Variants in ANKRD28 observed in about 807,000 individuals in gnomAD.
ANKRD28 encodes serine/threonine-protein phosphatase 6 regulatory ankyrin repeat subunit A.
A neutral mutation model predicts 126.5 loss-of-function variants in ANKRD28; 44 were observed. That is an observed-to-expected ratio of 0.35 (90% CI 0.27 to 0.45). The LOEUF is 0.45. ANKRD28 is among the 20% of genes least tolerant of loss of function. The pLI, the probability that ANKRD28 is intolerant of heterozygous loss-of-function variation, is 1.00. For missense variants in ANKRD28, 1,110 were observed against 1,316.6 expected, an observed-to-expected ratio of 0.84 and a Z score of 2.43; for synonymous variants, 442 against 468.5, an observed-to-expected ratio of 0.94 and a Z score of 0.73.
At chr3:15,724,552 T>C (rs2074018924) in intron 6 of ANKRD28, 28 bp from the exon 7 acceptor site, 4 of 1,540,282 alleles carry the variant, frequency 2.6e-6, no homozygotes, top group Non-Finnish European at 1.8e-6. Flanking sequence ...AAGAAAAAAA[T>C]AGAGATGAGC....
At chr3:15,759,748 T>C (rs2058354627) in intron 3 of ANKRD28, among the ~76,000 whole-genome samples, 1 of 152,196 alleles carries the variant, frequency 6.6e-6, no homozygotes, top group Non-Finnish European at 1.5e-5. Flanking sequence ...TGTACCAAAC[T>C]GAAGGACACT....
intron 1 of ANKRD28, among the ~76,000 whole-genome samples, chr3:15,844,146 C>G (rs927356815): frequency 6.6e-6 from 1 of 152,136 alleles, no homozygotes; most frequent in Non-Finnish European, 1.5e-5. Context: ...CTACAACACC[C>G]AGTCTGGACT....
rs1193806512 is a variant in ANKRD28, at chr3:15,797,037, A to G, written c.-516T>C. On this transcript the variant is annotated 5_prime_UTR_variant, in exon 1 of 28. Transcript: ENST00000683139. ...TTTTGCTTATAATTGAAAATAAAAA[A>G]TAAAATCTCACTATTCTGTTTCCAC... 1 of 985,188 alleles carries G rather than the reference A, an allele frequency of 1.0e-6. No individual in the cohort carries two copies. The highest frequency in any genetic ancestry group is 1.7e-5 in the African/African-American group (1 of 57,216). The allele number at this position is 985,188 out of a possible 1,614,324, so 61.0% of individuals were successfully genotyped here.
intron 3 of ANKRD28, among the ~76,000 whole-genome samples, chr3:15,760,184 C>T (rs2058378608): frequency 6.6e-6 from 1 of 151,982 alleles, no homozygotes; most frequent in Non-Finnish European, 1.5e-5. Flanking sequence ...CACACTGGGG[C>T]CTATCAGAGG....
intron 12 of ANKRD28, among the ~76,000 whole-genome samples, chr3:15,710,678 C>T (rs2126055538): frequency 6.6e-6 from 1 of 152,256 alleles, no homozygotes; most frequent in East Asian, 1.9e-4. Context: ...GTTCCAGAGG[C>T]CATGAGTTTT....
rs1418944201 is a variant in ANKRD28 at position 15,676,965 on chromosome 3, A to G, written c.2873+9T>C. On this transcript the variant is annotated intron_variant, in intron 26 of 27. Coordinates refer to ENST00000683139, the MANE Select transcript of ANKRD28 (RefSeq NM_001349278.2). ...CACAAAGTTTATACTAGATACTGAC[A>G]GTACTCACGTTTGCAAGGCTGCGTT... is the stretch of plus-strand genomic sequence containing the variant. 1.2e-6 allele frequency: 2 copies of G among 1,607,400 alleles called. No homozygotes were observed. Among genetic ancestry groups the G allele is most frequent in the East Asian group, 4.5e-5 (2 of 44,778 alleles).
chr3:15,792,975 T>G (rs1274095095), intron 2 of ANKRD28, among the ~76,000 whole-genome samples: 1 of 152,140 alleles, frequency 6.6e-6, no homozygotes, highest in African/African-American at 2.4e-5. Flanking sequence ...TCATCTAAAA[T>G]TATACAATGA....
intron 4 of ANKRD28, among the ~76,000 whole-genome samples, chr3:15,743,821 C>A (rs967248008): frequency 6.6e-6 from 1 of 152,162 alleles, no homozygotes; most frequent in African/African-American, 2.4e-5. Flanking sequence ...AGCAGTCTTT[C>A]TTAACCTAGT....
chr3:15,698,139 T>G (rs1292120768), intron 14 of ANKRD28, among the ~76,000 whole-genome samples: 2 of 152,020 alleles, frequency 1.3e-5, no homozygotes, highest in East Asian at 1.9e-4. Flanking sequence ...GCTAGCGGTC[T>G]GTCTGATTAT....
chr3:15,724,550 A>T, intron 6 of ANKRD28, 26 bp from the exon 7 acceptor site: 5 of 1,542,112 alleles, frequency 3.2e-6, no homozygotes, highest in East Asian at 2.4e-5. Context: ...TGAAGAAAAA[A>T]ATAGAGATGA....
intron 9 of ANKRD28, among the ~76,000 whole-genome samples, chr3:15,714,170 C>T (rs1462531646): frequency 1.3e-5 from 2 of 151,910 alleles, no homozygotes. Context: ...AATTTAAACA[C>T]AAAAGAATAC....
intron 2 of ANKRD28, among the ~76,000 whole-genome samples, chr3:15,787,285 C>CT (rs981649486): frequency 6.6e-6 from 1 of 152,166 alleles, no homozygotes; most frequent in Non-Finnish European, 1.5e-5. Context: ...ATAATACCTT[C>CT]TTTGTTTCAG....
intron 3 of ANKRD28, among the ~76,000 whole-genome samples, chr3:15,754,746 G>A (rs945172092): frequency 6.6e-6 from 1 of 152,150 alleles, no homozygotes; most frequent in East Asian, 1.9e-4. Flanking sequence ...CGTTTGTGTT[G>A]GTGGTGGGAG....
intron 3 of ANKRD28, chr3:15,756,424 G>A: frequency 1.2e-6 from 1 of 826,714 alleles, no homozygotes; most frequent in South Asian, 5.6e-5. Context: ...AGAATTAAAT[G>A]TCTAGCTATT....
intron 14 of ANKRD28, among the ~76,000 whole-genome samples, chr3:15,707,324 T>G (rs2071592523): frequency 6.6e-6 from 1 of 152,254 alleles, no homozygotes; most frequent in South Asian, 2.1e-4. Flanking sequence ...ATTATTATAC[T>G]TATGAAACAG....
In ANKRD28 at chr3:15,797,007, A is replaced by T; in HGVS notation, c.-486T>A. 1 of 985,312 alleles carries T rather than the reference A, an allele frequency of 1.0e-6. No individual in the cohort carries two copies. The highest frequency in any genetic ancestry group is 1.2e-6 in the Non-Finnish European group (1 of 829,858). 61.0% of individuals were successfully genotyped at this position (985,312 alleles called of 1,614,324 possible). A position where few individuals can be genotyped will look rare whatever the true frequency, so the allele number is the denominator to read the frequency against. ...CCTGCAAGGTCATATAGTTACCAGT[A>T]GCTGTTTTGCTTATAATTGAAAATA... On this transcript the variant is annotated 5_prime_UTR_variant, in exon 1 of 28. Coordinates refer to ENST00000683139, the MANE Select transcript of ANKRD28 (RefSeq NM_001349278.2).
In ANKRD28 at chr3:15,817,960, C is replaced by A. The variant is rs1451390443; in HGVS notation, c.28-22654G>T. Among the ~76,000 whole-genome samples the A allele has an allele frequency of 6.6e-6, 1 of 152,038 alleles. No homozygotes were observed. The highest frequency in any genetic ancestry group is 1.5e-5 in the Non-Finnish European group (1 of 67,996). On this transcript the variant is annotated intron_variant, in intron 1 of 27. Coordinates refer to the ANKRD28 transcript ENST00000399451. The surrounding 1 kb of genome is among the most constrained non-coding windows in gnomAD (Gnocchi z 4.5). ...TACCATTGCTGTTTCTACATACTAC[C>A]AATGAACAACTGGAAATCAAAACAA...
intron 3 of ANKRD28, among the ~76,000 whole-genome samples, chr3:15,758,412 T>C (rs1409337906): frequency 6.6e-6 from 1 of 152,184 alleles, no homozygotes; most frequent in Non-Finnish European, 1.5e-5. Context: ...TTTAAGAGTG[T>C]TGTGGATACC....
At chr3:15,805,763 GA>G (rs1478174435) in intron 1 of ANKRD28, among the ~76,000 whole-genome samples, 3 of 152,264 alleles carry the variant, frequency 2.0e-5, no homozygotes, top group African/African-American at 7.2e-5. Context: ...GCTGAAGGGA[GA>G]AAATTTTCAG....
Sources: allele counts gnomAD v4.1 joint callset (sites outside exome capture counted in the v4.1 genomes callset), GRCh38; gene constraint gnomAD v4.1.1; non-coding constraint Gnocchi (gnomAD v3.1); transcripts MANE v1.5; gene names NCBI Gene and HGNC (gene_info 2026-07-23, HGNC 2026-07-21).